LRRTM3: variants seen among roughly 807,000 people sequenced by gnomAD.
LRRTM3 encodes the protein leucine-rich repeat transmembrane neuronal protein 3.
LRRTM3 carries 24 observed loss-of-function variants against 44.7 expected under a neutral mutation model. The observed-to-expected ratio is 0.54, with a 90% confidence interval of 0.39 to 0.76. The LOEUF (loss-of-function observed/expected upper bound fraction) is 0.76, where lower values mean the gene tolerates loss of function less well. Among genes scored for constraint, LRRTM3 ranks in the 30% least tolerant of loss-of-function variants. The pLI is 0.00. For synonymous variants in LRRTM3, 277 were observed against 278.7 expected, an observed-to-expected ratio of 0.99 and a Z score of 0.06; for missense variants, 587 against 702.2, an observed-to-expected ratio of 0.84 and a Z score of 1.85.
intron 2 of LRRTM3, among the ~76,000 whole-genome samples, chr10:67,070,493 A>C (rs1856380833): frequency 6.6e-6 from 1 of 152,086 alleles, no homozygotes. Context: ...TCGTGCCTGT[A>C]ATCTCAGCAC....
intron 2 of LRRTM3, among the ~76,000 whole-genome samples, chr10:66,974,079 G>A (rs980338519): frequency 3.3e-5 from 5 of 152,100 alleles, no homozygotes; most frequent in Admixed American, 6.6e-5. Flanking sequence ...GTTGCCCTGA[G>A]TCTCTCTGTA....
chr10:66,944,253 A>G (rs1324753807), intron 2 of LRRTM3, among the ~76,000 whole-genome samples: 1 of 152,206 alleles, frequency 6.6e-6, no homozygotes, highest in African/African-American at 2.4e-5. Flanking sequence ...AACAATATTC[A>G]CAACATCTTC....
chr10:67,027,465 C>G (rs559414696), intron 2 of LRRTM3, among the ~76,000 whole-genome samples: 2 of 141,104 alleles, frequency 1.4e-5, no homozygotes, highest in Non-Finnish European at 3.0e-5. Flanking sequence ...TACACAGTCT[C>G]GCTCTGTCAC....
At chr10:67,014,265 A>C (rs907993741) in intron 2 of LRRTM3, among the ~76,000 whole-genome samples, 1 of 152,154 alleles carries the variant, frequency 6.6e-6, no homozygotes, top group African/African-American at 2.4e-5. Flanking sequence ...ATCCCTTATA[A>C]AATTGATGCA....
At chr10:66,978,552 A>AAATAAAAAAAAAAAAATATATATATATAT in intron 2 of LRRTM3, among the ~76,000 whole-genome samples, 1 of 37,864 alleles carries the variant, frequency 2.6e-5, no homozygotes, top group Non-Finnish European at 4.8e-5. Context: ...AAAAAAAAAA[A>AAATAAAAAAAAAAAAATATATATATATAT]ATATATATAT....
intron 2 of LRRTM3, among the ~76,000 whole-genome samples, chr10:66,951,355 A>T (rs1188561409): frequency 6.6e-6 from 1 of 152,106 alleles, no homozygotes; most frequent in African/African-American, 2.4e-5. Context: ...ACCTCAGATG[A>T]TCCATCCGCC....
rs139452994 is a variant in LRRTM3, at chr10:66,962,418, G to GTT, written c.1536+33975_1536+33976dup. 5.8e-4 allele frequency among the ~76,000 whole-genome samples: 83 copies of GTT among 144,244 alleles called. 1 individual carries two copies. The highest frequency in any genetic ancestry group is 1.1e-3 in the African/African-American group (44 of 39,112). 94.6% of individuals were successfully genotyped at this position (144,244 alleles called of 152,430 possible). ...TGTTTTGTTTTTTGTTTTTGTTTTTGTTTTTTTTTTGAGACAGAGTCTCAC... is the reference window on the plus strand; with the variant it reads ...TGTTTTGTTTTTTGTTTTTGTTTTTGTTTTTTTTTTTTGAGACAGAGTCTCAC... On this transcript the variant is annotated intron_variant, in intron 2 of 2. Coordinates refer to ENST00000361320, the MANE Select transcript of LRRTM3 (RefSeq NM_178011.5).
At chr10:66,964,292 C>G (rs1213218797) in intron 2 of LRRTM3, among the ~76,000 whole-genome samples, 1 of 142,772 alleles carries the variant, frequency 7.0e-6, no homozygotes, top group Non-Finnish European at 1.5e-5. Flanking sequence ...TTTTTTTTTT[C>G]CGCATTTCAA....
intron 2 of LRRTM3, among the ~76,000 whole-genome samples, chr10:67,079,200 G>T (rs1856904280): frequency 6.6e-6 from 1 of 152,150 alleles, no homozygotes; most frequent in African/African-American, 2.4e-5. Flanking sequence ...ATGTATGCAA[G>T]GTTAACTTAT....
chr10:66,995,638 G>A (rs1851285370), intron 2 of LRRTM3, among the ~76,000 whole-genome samples: 1 of 152,020 alleles, frequency 6.6e-6, no homozygotes, highest in Non-Finnish European at 1.5e-5. Context: ...TTAAGTTCAG[G>A]TTCTTTCCTC....
intron 2 of LRRTM3, among the ~76,000 whole-genome samples, chr10:67,071,849 T>A (rs1259784631): frequency 6.6e-6 from 1 of 152,232 alleles, no homozygotes; most frequent in African/African-American, 2.4e-5. Context: ...TAAACTTGTA[T>A]TATACTGTGC....
chr10:67,036,420 C>G (rs1028292391), intron 2 of LRRTM3, among the ~76,000 whole-genome samples: 1 of 152,132 alleles, frequency 6.6e-6, no homozygotes, highest in Non-Finnish European at 1.5e-5. Context: ...AACCCCAGCA[C>G]TTTGGAAGGC....
chr10:66,952,412 G>A (rs1161797249), intron 2 of LRRTM3, among the ~76,000 whole-genome samples: 1 of 152,150 alleles, frequency 6.6e-6, no homozygotes, highest in Non-Finnish European at 1.5e-5. Flanking sequence ...CGCATCTGTA[G>A]CAGCCAGAAA....
At chr10:67,054,850 T>C (rs1174380182) in intron 2 of LRRTM3, 2 of 151,932 alleles carry the variant, frequency 1.3e-5, no homozygotes, top group Admixed American at 6.6e-5. Context: ...AGGTAGGGAG[T>C]CCAACACTTC....
chr10:67,065,481 G>A (rs893813105), intron 2 of LRRTM3, among the ~76,000 whole-genome samples: 7 of 152,194 alleles, frequency 4.6e-5, no homozygotes, highest in Middle Eastern at 3.4e-3. Context: ...AAAGTATTAT[G>A]ACAGAAACTA....
chr10:67,068,837 A>G (rs1856256567), intron 2 of LRRTM3, among the ~76,000 whole-genome samples: 3 of 152,196 alleles, frequency 2.0e-5, no homozygotes, highest in Non-Finnish European at 4.4e-5. Flanking sequence ...AGGCAGGAAG[A>G]TCACCTGAGG....
intron 2 of LRRTM3, among the ~76,000 whole-genome samples, chr10:67,002,527 GA>G (rs989675224): frequency 6.6e-5 from 10 of 151,736 alleles, no homozygotes; most frequent in South Asian, 2.1e-4. Flanking sequence ...AAAACAAAAA[GA>G]AAAAAAATTC....
intron 2 of LRRTM3, chr10:67,055,088 A>T (rs1855343218): frequency 6.6e-6 from 1 of 152,164 alleles, no homozygotes; most frequent in Admixed American, 6.5e-5. Context: ...AAAATGAAAG[A>T]TGACATATTT....
At chr10:66,980,480 CA>C (rs879613825) in intron 2 of LRRTM3, among the ~76,000 whole-genome samples, 31 of 130,004 alleles carry the variant, frequency 2.4e-4, no homozygotes, top group Non-Finnish European at 3.9e-4. Context: ...CAGAATTGAA[CA>C]GGAACCAAAA....
Sources: gnomAD v4.1 joint callset for allele counts (sites outside exome capture counted in the v4.1 genomes callset) on GRCh38, gnomAD v4.1.1 for gene constraint, MANE v1.5 for transcripts, NCBI Gene and HGNC (gene_info 2026-07-23, HGNC 2026-07-21) for gene names.